The following SLC24A4 variants were observed in gnomAD, a reference collection of about 807,000 sequenced individuals.
SLC24A4 encodes the protein sodium/potassium/calcium exchanger 4.
SLC24A4 carries 53 observed loss-of-function variants against 79.0 expected under a neutral mutation model. The ratio of observed to expected loss-of-function variants is 0.67; its 90% confidence interval spans 0.54 to 0.84. SLC24A4 has a LOEUF of 0.84. Among genes scored for constraint, SLC24A4 ranks in the 40% least tolerant of loss-of-function variants. SLC24A4 has a pLI of 0.00. For missense variants in SLC24A4, 731 were observed against 822.0 expected (o/e 0.89, Z 1.35); for synonymous variants, 323 against 323.8 (o/e 1.00, Z 0.03).
chr14:92,420,418 G>A (rs1467596572), intron 2 of SLC24A4, among the ~76,000 whole-genome samples: 1 of 152,132 alleles, frequency 6.6e-6, no homozygotes, highest in East Asian at 1.9e-4. Flanking sequence ...GGCAGAGGTT[G>A]CAGTGAGCCA....
intron 12 of SLC24A4, among the ~76,000 whole-genome samples, chr14:92,474,864 T>TA (rs1491176639): frequency 0.059 from 2,293 of 38,908 alleles, 135 homozygotes; most frequent in Middle Eastern, 0.07. Flanking sequence ...TATATATATA[T>TA]TTTTTTTTTT....
At chr14:92,367,953 T>C (rs1448438071) in intron 2 of SLC24A4, among the ~76,000 whole-genome samples, 1 of 152,232 alleles carries the variant, frequency 6.6e-6, no homozygotes, top group African/African-American at 2.4e-5. Flanking sequence ...GCATATTTTT[T>C]AAAAAGTTAA....
intron 2 of SLC24A4, among the ~76,000 whole-genome samples, chr14:92,367,467 T>G (rs1291953099): frequency 6.6e-6 from 1 of 152,180 alleles, no homozygotes; most frequent in African/African-American, 2.4e-5. Flanking sequence ...GGCAGAGCCA[T>G]GGAGTCAAGT....
intron 15 of SLC24A4, 130 bp downstream of exon 15, chr14:92,491,907 G>A (rs796381109): frequency 5.8e-5 from 43 of 743,168 alleles, no homozygotes; most frequent in African/African-American, 3.0e-4. Flanking sequence ...TTTCCATGGC[G>A]GCTTCTAGAG....
rs1260425771 is a variant in SLC24A4 at position 92,493,946 on chromosome 14, T to G, written c.*318T>G. Reference sequence around the variant, plus strand: ...TCCTGCACACTTTAGTCAGAAGGACTTCTGCATGCAGTTTGTCTTTCTGTT... The same window carrying G: ...TCCTGCACACTTTAGTCAGAAGGACGTCTGCATGCAGTTTGTCTTTCTGTT... On this transcript the variant is annotated 3_prime_UTR_variant, in exon 17 of 17. Coordinates refer to ENST00000532405, the MANE Select transcript of SLC24A4 (RefSeq NM_153646.4). The G allele has an allele frequency of 3.4e-5, 10 of 291,464 alleles. No individual in the cohort carries two copies. The highest frequency in any genetic ancestry group is 1.1e-3 in the Middle Eastern group (1 of 944). 18.1% of individuals were successfully genotyped at this position (291,464 alleles called of 1,614,324 possible).
Position 92,449,126 on chromosome 14 carries a change from A to C in SLC24A4, c.790A>C (p.Asn264His). The C allele has an allele frequency of 6.2e-7, 1 of 1,614,232 alleles. No individual in the cohort carries two copies. Among genetic ancestry groups the C allele is most frequent in the South Asian group, 1.1e-5 (1 of 91,084 alleles). Residue 264 changes from asparagine (N) to histidine (H), a missense_variant, in exon 10 of 17, where the codon AAC becomes CAC. Physicochemically the swap from Asn to His is moderately conservative, Grantham distance 68 (BLOSUM62 1). Coordinates refer to ENST00000532405, the MANE Select transcript of SLC24A4 (RefSeq NM_153646.4). ...CACAGTCAAACAAAAGAGCATTGCA[A>C]ACGGTAACCCGGTCAACAGTGAGCT... ...FFTVKQKSIA[N>H]GNPVNSELEA... is the part of the protein sequence containing the mutation.
At chr14:92,369,470 G>A (rs1280098664) in intron 2 of SLC24A4, among the ~76,000 whole-genome samples, 1 of 152,166 alleles carries the variant, frequency 6.6e-6, no homozygotes, top group Non-Finnish European at 1.5e-5. Context: ...AGGTTGGATC[G>A]ACTCTAGAAG....
At chr14:92,464,903 G>T (rs1566788242) in intron 12 of SLC24A4, among the ~76,000 whole-genome samples, 1 of 152,222 alleles carries the variant, frequency 6.6e-6, no homozygotes, top group Non-Finnish European at 1.5e-5. Context: ...GCATCCTGGG[G>T]GAGGCGAAGG....
intron 12 of SLC24A4, among the ~76,000 whole-genome samples, chr14:92,482,359 C>CA (rs201618575): frequency 1.3e-5 from 2 of 152,330 alleles, no homozygotes; most frequent in East Asian, 3.9e-4. Flanking sequence ...TGTCTGTCTT[C>CA]AAAGCCCAAC....
At chr14:92,329,318 T>C (rs1210576546) in intron 2 of SLC24A4, among the ~76,000 whole-genome samples, 2 of 152,226 alleles carry the variant, frequency 1.3e-5, no homozygotes, top group Non-Finnish European at 2.9e-5. Flanking sequence ...TGCTCATCTT[T>C]ACCTGTGAGA....
chr14:92,342,529 A>G (rs1052876022), intron 2 of SLC24A4, among the ~76,000 whole-genome samples: 2 of 151,972 alleles, frequency 1.3e-5, no homozygotes, highest in African/African-American at 4.8e-5. Context: ...GATTACAGGC[A>G]TGCGCCACCA....
intron 2 of SLC24A4, among the ~76,000 whole-genome samples, chr14:92,375,522 AT>A (rs1261048249): frequency 6.6e-6 from 1 of 152,264 alleles, no homozygotes; most frequent in East Asian, 1.9e-4. Flanking sequence ...TTGCAGGATT[AT>A]TCCTAAAACC....
At position 92,398,327 on chromosome 14, in the gene SLC24A4, C is replaced by A. The variant is rs1480767123; in HGVS notation, c.242-35585C>A. Among the ~76,000 whole-genome samples the A allele has an allele frequency of 6.6e-6, 1 of 152,164 alleles. No individual in the cohort carries two copies. The highest frequency in any genetic ancestry group is 1.5e-5 in the Non-Finnish European group (1 of 68,040). Reference sequence around the variant, plus strand: ...GCTTCTGAGGGATGGCCTGGCAGAACTGCAGCAGGGTTAGAAAGGGAGGAG... The same window carrying A: ...GCTTCTGAGGGATGGCCTGGCAGAAATGCAGCAGGGTTAGAAAGGGAGGAG... On this transcript the variant is annotated intron_variant, in intron 2 of 16. Transcript: ENST00000532405. The surrounding 1 kb of genome is among the most constrained non-coding windows in gnomAD (Gnocchi z 4.1).
At chr14:92,489,228 A>G (rs1482275253) in intron 14 of SLC24A4, among the ~76,000 whole-genome samples, 2 of 152,084 alleles carry the variant, frequency 1.3e-5, no homozygotes, top group Admixed American at 1.3e-4. Flanking sequence ...ACCTGAGGTC[A>G]GGAGTTTGAG....
intron 2 of SLC24A4, among the ~76,000 whole-genome samples, chr14:92,365,845 C>T (rs1160380675): frequency 2.6e-5 from 4 of 152,100 alleles, no homozygotes; most frequent in African/African-American, 4.8e-5. Context: ...TGCCCAAGGT[C>T]GCATGGTGTA....
At position 92,432,760 on chromosome 14, in the gene SLC24A4, G is replaced by A. The variant is rs1468648647; in HGVS notation, c.242-1152G>A. Among the ~76,000 whole-genome samples, 10 of 152,188 alleles carry A rather than the reference G, an allele frequency of 6.6e-5. No individual in the cohort carries two copies. The East Asian group carries it at 7.7e-4, about 12-fold the overall frequency. ...GAGCTGGTGTTTTCTGTGGCTTGCCGAGAGAATCAGATCTGAAAAATCAGA... is the reference window on the plus strand; with the variant it reads ...GAGCTGGTGTTTTCTGTGGCTTGCCAAGAGAATCAGATCTGAAAAATCAGA... On this transcript the variant is annotated intron_variant, in intron 2 of 16. Coordinates refer to ENST00000532405, the MANE Select transcript of SLC24A4 (RefSeq NM_153646.4).
chr14:92,352,668 G>A (rs146482384), intron 2 of SLC24A4, among the ~76,000 whole-genome samples: 2,015 of 152,324 alleles, frequency 0.013, 14 homozygotes, highest in Middle Eastern at 0.027. Context: ...GTGGCCCCCA[G>A]ACTCATTTAT....
At chr14:92,400,886 G>A (rs1009735850) in intron 2 of SLC24A4, among the ~76,000 whole-genome samples, 1 of 152,202 alleles carries the variant, frequency 6.6e-6, no homozygotes, top group South Asian at 2.1e-4. Context: ...GATGCCTGGT[G>A]TAAACAAGCA....
At chr14:92,460,536 G>A (rs531293189) in intron 12 of SLC24A4, among the ~76,000 whole-genome samples, 2 of 152,258 alleles carry the variant, frequency 1.3e-5, no homozygotes, top group Admixed American at 6.5e-5. Context: ...GGGAATTATC[G>A]TGTACCAGGC....
Sources: allele counts gnomAD v4.1 joint callset (sites outside exome capture counted in the v4.1 genomes callset), GRCh38; gene constraint gnomAD v4.1.1; non-coding constraint Gnocchi (gnomAD v3.1); transcripts MANE v1.5; gene names NCBI Gene and HGNC (gene_info 2026-07-23, HGNC 2026-07-21).